The following TRAPPC13 variants were observed in gnomAD, a reference collection of about 807,000 sequenced individuals.
The protein encoded by TRAPPC13 is trafficking protein particle complex subunit 13.
A neutral mutation model predicts 54.0 loss-of-function variants in TRAPPC13; 39 were observed. The ratio of observed to expected loss-of-function variants is 0.72; its 90% CI spans 0.56 to 0.94. The LOEUF is 0.94. TRAPPC13 is among the 40% of genes least tolerant of loss of function. The pLI, the probability that TRAPPC13 is intolerant of heterozygous loss-of-function variation, is 0.00. For synonymous variants in TRAPPC13, 148 were observed against 167.7 expected (o/e 0.88, Z 0.91); for missense variants, 386 against 488.1 (o/e 0.79, Z 1.97).
Position 65,653,726 on chromosome 5 carries a change from A to G in TRAPPC13, c.546+1181A>G, listed in dbSNP as rs116142030. ...CATTCAAGCAGGGTTACAAATGGACATGAAGTATCAAGTACATAGGAAAGA... is the reference window on the plus strand; with the variant it reads ...CATTCAAGCAGGGTTACAAATGGACGTGAAGTATCAAGTACATAGGAAAGA... On this transcript the variant is annotated intron_variant, in intron 7 of 12. Coordinates refer to ENST00000399438, the MANE Select transcript of TRAPPC13 (RefSeq NM_024941.4). 5.8e-3 allele frequency among the ~76,000 whole-genome samples: 889 copies of G among 152,330 alleles called. 7 individuals carry two copies. Among genetic ancestry groups the G allele is most frequent in the African/African-American group, 0.021 (853 of 41,594 alleles).
intron 7 of TRAPPC13, among the ~76,000 whole-genome samples, chr5:65,654,155 TG>T (rs1216591366): frequency 6.6e-6 from 1 of 152,180 alleles, no homozygotes; most frequent in Non-Finnish European, 1.5e-5. Context: ...CAGAGTGATT[TG>T]TGAATAATTT....
chr5:65,650,986 C>G (rs1014760023), intron 6 of TRAPPC13, 104 bp downstream of exon 6: 1 of 777,218 alleles, frequency 1.3e-6, no homozygotes, highest in Non-Finnish European at 2.2e-6. Flanking sequence ...CCAAATAAAG[C>G]AAATAGCTCA....
At position 65,665,757 on chromosome 5, in the gene TRAPPC13, T is replaced by C. The variant is rs183897400; in HGVS notation, c.*1146T>C. On this transcript the variant is annotated 3_prime_UTR_variant, in exon 13 of 13. Transcript: ENST00000399438. ...AGTTATGAGCAAAGCAGTGAGAAAG[T>C]TGAGGTGATAAACAACTTTGCAGCA... 17 of 152,514 alleles carry C rather than the reference T, an allele frequency of 1.1e-4. No individual in the cohort carries two copies. Among genetic ancestry groups the C allele is most frequent in the Admixed American group, 2.6e-4 (4 of 15,282 alleles). The allele number at this position is 152,514 out of a possible 1,614,324, so 9.4% of individuals were successfully genotyped here.
At chr5:65,663,088 A>C (rs1756901189) in intron 11 of TRAPPC13, 1 of 152,152 alleles carries the variant, frequency 6.6e-6, no homozygotes, top group Non-Finnish European at 1.5e-5. Flanking sequence ...AAACAACAAT[A>C]CAGGGCAAAG....
intron 11 of TRAPPC13, chr5:65,663,461 G>A (rs1464573106): frequency 6.6e-6 from 1 of 151,948 alleles, no homozygotes. Flanking sequence ...GCTTGTTAGG[G>A]AGATTCAGGC....
At chr5:65,638,136 A>AAG (rs1755829561) in intron 4 of TRAPPC13, among the ~76,000 whole-genome samples, 1 of 151,566 alleles carries the variant, frequency 6.6e-6, no homozygotes, top group Non-Finnish European at 1.5e-5. Context: ...AAAAAAAAAA[A>AAG]GAAAAAAAGG....
At chr5:65,630,612 T>TATACA in intron 1 of TRAPPC13, 1 of 1,073,344 alleles carries the variant, frequency 9.3e-7, no homozygotes, top group Non-Finnish European at 1.1e-6. Context: ...TTGTATAGTT[T>TATACA]GGATTTTGGT....
At chr5:65,625,259 C>T (rs1455246199) in intron 1 of TRAPPC13, 153 bp downstream of exon 1, 10 of 673,968 alleles carry the variant, frequency 1.5e-5, no homozygotes, top group East Asian at 5.4e-5. Context: ...GCGATTTCTC[C>T]TGGATGCTTT....
Position 65,660,719 on chromosome 5 carries a change from G to C in TRAPPC13, c.719G>C (p.Arg240Thr), listed in dbSNP as rs1756818865. Reference protein sequence around the residue: ...AGECVSTFGSRAYLQPMDTRQ... With the variant: ...AGECVSTFGSTAYLQPMDTRQ... ...CTCAGTGTGTCTACGTTTGGGTCAAGAGCATATTTGCAACCAATGGATACA... is the reference window on the plus strand; with the variant it reads ...CTCAGTGTGTCTACGTTTGGGTCAACAGCATATTTGCAACCAATGGATACA... Residue 240 changes from arginine to threonine, a missense_variant, in exon 10 of 13, where the codon AGA becomes ACA. By Grantham distance (71) the Arg-to-Thr change is moderately conservative (BLOSUM62 -1). Transcript: ENST00000399438. 6.2e-7 allele frequency: 1 copy of C among 1,610,124 alleles called. No homozygotes were observed.
chr5:65,649,820 T>G (rs1327647126), intron 5 of TRAPPC13, among the ~76,000 whole-genome samples: 3 of 152,086 alleles, frequency 2.0e-5, no homozygotes, highest in Non-Finnish European at 4.4e-5. Context: ...TACATAACAG[T>G]ATTTCTCATT....
At chr5:65,630,418 G>T in intron 1 of TRAPPC13, 1 of 1,400,652 alleles carries the variant, frequency 7.1e-7, no homozygotes, top group Non-Finnish European at 9.2e-7. Flanking sequence ...ATTTTTACAG[G>T]TTTTAAAATT....
rs10452455 is a variant in TRAPPC13, at chr5:65,649,715, G to A, written c.429-1095G>A. On this transcript the variant is annotated intron_variant, in intron 5 of 12. Coordinates refer to ENST00000399438, the MANE Select transcript of TRAPPC13 (RefSeq NM_024941.4). ...ACCCTTTGTCATATTAAGTATTAAA[G>A]TGTAACCACTTTCTCGTATTGTTAC... Among the ~76,000 whole-genome samples, 359 of 152,212 alleles carry A rather than the reference G, an allele frequency of 2.4e-3. 2 individuals carry two copies. Among genetic ancestry groups the A allele is most frequent in the African/African-American group, 8.3e-3 (345 of 41,530 alleles).
intron 4 of TRAPPC13, among the ~76,000 whole-genome samples, chr5:65,642,165 A>T (rs1755993899): frequency 6.6e-6 from 1 of 152,098 alleles, no homozygotes; most frequent in Admixed American, 6.6e-5. Context: ...TCTACTAAAA[A>T]TACAAAAATT....
Position 65,647,202 on chromosome 5 carries a change from GT to G in TRAPPC13, c.428+22del. The G allele has an allele frequency of 6.4e-7, 1 of 1,555,404 alleles. No individual in the cohort carries two copies. Among genetic ancestry groups the G allele is most frequent in the Non-Finnish European group, 8.7e-7 (1 of 1,153,184 alleles). On this transcript the variant is annotated intron_variant, in intron 5 of 12. Transcript: ENST00000399438. ...ACACATGTAAGGATTAATTTTATTA[GT>G]TCTCAAAGGTTTTTACTTATATATG...
At chr5:65,658,568 G>T in intron 9 of TRAPPC13, 67 bp downstream of exon 9, 3 of 1,336,492 alleles carry the variant, frequency 2.2e-6, no homozygotes, top group South Asian at 3.7e-5. Context: ...AACATCCATT[G>T]CTCTTCAGTG....
At chr5:65,656,131 C>T (rs2150688476) in intron 8 of TRAPPC13, among the ~76,000 whole-genome samples, 1 of 152,226 alleles carries the variant, frequency 6.6e-6, no homozygotes, top group Admixed American at 6.5e-5. Flanking sequence ...CCCAACTTGG[C>T]TAAAATTTTG....
chr5:65,629,989 T>C, intron 1 of TRAPPC13: 5 of 1,535,910 alleles, frequency 3.3e-6, no homozygotes, highest in Non-Finnish European at 4.4e-6. Context: ...CTTGGAGTAT[T>C]TCCCTTCCCA....
At chr5:65,652,287 A>G (rs1756488635) in intron 6 of TRAPPC13, among the ~76,000 whole-genome samples, 1 of 151,890 alleles carries the variant, frequency 6.6e-6, no homozygotes, top group African/African-American at 2.4e-5. Flanking sequence ...TCACCCAGTC[A>G]AGAAATAATG....
chr5:65,637,333 T>C (rs925935284), intron 3 of TRAPPC13, among the ~76,000 whole-genome samples: 1 of 152,144 alleles, frequency 6.6e-6, no homozygotes, highest in Non-Finnish European at 1.5e-5. Flanking sequence ...CTCAAACAGA[T>C]TATTTAATGT....
Sources: gnomAD v4.1 joint callset for allele counts (sites outside exome capture counted in the v4.1 genomes callset) on GRCh38, gnomAD v4.1.1 for gene constraint, MANE v1.5 for transcripts, NCBI Gene and HGNC (gene_info 2026-07-23, HGNC 2026-07-21) for gene names.